Variants in SPTAN1 observed in about 807,000 individuals in gnomAD.
SPTAN1 encodes the protein spectrin alpha, non-erythrocytic 1.
In SPTAN1, 61 loss-of-function variants were observed where a neutral mutation model predicts 331.3. The observed-to-expected ratio is 0.18, with a 90% confidence interval of 0.15 to 0.23. SPTAN1 has a LOEUF of 0.23. Ranked by LOEUF, SPTAN1 falls within the 10% of genes least tolerant of loss-of-function variation. The pLI, the probability that SPTAN1 is intolerant of heterozygous loss-of-function variation, is 1.00. For missense variants in SPTAN1, 2,043 were observed against 3,147.9 expected, an observed-to-expected ratio of 0.65 and a Z score of 8.40; for synonymous variants, 1,153 against 1,173.9, an observed-to-expected ratio of 0.98 and a Z score of 0.36.
intron 1 of SPTAN1, among the ~76,000 whole-genome samples, chr9:128,566,150 G>A (rs1419399625): frequency 3.3e-5 from 5 of 152,136 alleles, no homozygotes; most frequent in Admixed American, 6.5e-5. Context: ...TTGAACTCCT[G>A]GGCTCAGGTG....
At chr9:128,608,725 A>G in intron 34 of SPTAN1, 149 bp from the exon 35 acceptor site, 2 of 816,562 alleles carry the variant, frequency 2.4e-6, no homozygotes, top group Non-Finnish European at 4.2e-6. Flanking sequence ...GGCATTTTAC[A>G]CTCTTGCTTC....
intron 27 of SPTAN1, among the ~76,000 whole-genome samples, chr9:128,602,189 G>GTT (rs1257030587): frequency 7.6e-6 from 1 of 131,648 alleles, no homozygotes; most frequent in African/African-American, 2.8e-5. Context: ...CTGCCCTCCT[G>GTT]TTTTTTTTTT....
intron 11 of SPTAN1, among the ~76,000 whole-genome samples, chr9:128,581,275 G>C (rs1851906488): frequency 6.6e-6 from 1 of 152,156 alleles, no homozygotes; most frequent in African/African-American, 2.4e-5. Context: ...TTTCAGATTA[G>C]TGTGATGTAA....
At chr9:128,606,350 G>A (rs1855847676) in intron 31 of SPTAN1, among the ~76,000 whole-genome samples, 1 of 132,788 alleles carries the variant, frequency 7.5e-6, no homozygotes, top group Admixed American at 7.7e-5. Context: ...ACTCTAGCCT[G>A]GGCGATGGAG....
chr9:128,576,425 C>T (rs7033129), intron 5 of SPTAN1, among the ~76,000 whole-genome samples: 4,204 of 152,144 alleles, frequency 0.028, 194 homozygotes, highest in African/African-American at 0.094. Context: ...TCTTGAGCCC[C>T]GAAAATTATG....
At position 128,625,644 on chromosome 9, in the gene SPTAN1, A is replaced by G. The variant is rs1374903048; in HGVS notation, c.6070-125A>G. On this transcript the variant is annotated intron_variant, in intron 47 of 56. Coordinates refer to ENST00000372739, the MANE Select transcript of SPTAN1 (RefSeq NM_001130438.3). This position sits in a 1 kb window ranked among gnomAD's most constrained non-coding sequence, Gnocchi z 4.1. ...AAGGGGGCATGTGTGACTGAGTCTC[A>G]GCAGTGTCCAGGTGGACAGTTTGGC... 2 of 881,220 alleles carry G rather than the reference A, an allele frequency of 2.3e-6. No homozygotes were observed. The highest frequency in any genetic ancestry group is 3.8e-6 in the Non-Finnish European group (2 of 531,668). The allele number at this position is 881,220 out of a possible 1,614,324, so 54.6% of individuals were successfully genotyped here.
At chr9:128,590,129 A>G (rs1853278189) in intron 21 of SPTAN1, among the ~76,000 whole-genome samples, 1 of 152,226 alleles carries the variant, frequency 6.6e-6, no homozygotes, top group South Asian at 2.1e-4. Context: ...GTCCTTGGCC[A>G]TTTTTAAGAG....
intron 42 of SPTAN1, 36 bp from the exon 43 acceptor site, chr9:128,617,951 C>T (rs202015283): frequency 1.9e-6 from 3 of 1,614,016 alleles, no homozygotes; most frequent in African/African-American, 1.3e-5. Flanking sequence ...ACCAGAAGAG[C>T]TACCTGCTGT....
At chr9:128,565,319 G>A (rs951316153) in intron 1 of SPTAN1, among the ~76,000 whole-genome samples, 4 of 152,098 alleles carry the variant, frequency 2.6e-5, no homozygotes, top group Admixed American at 6.5e-5. Context: ...ACAAAAAAAA[G>A]CCATAAAAGA....
intron 37 of SPTAN1, among the ~76,000 whole-genome samples, chr9:128,610,292 T>C (rs1471960969): frequency 6.6e-6 from 1 of 152,098 alleles, no homozygotes; most frequent in Admixed American, 6.5e-5. Flanking sequence ...GTGGAAGAAA[T>C]GAAGATAGAG....
At position 128,576,945 on chromosome 9, in the gene SPTAN1, G is replaced by T; in HGVS notation, c.774G>T (p.Gln258His). 1 of 1,614,166 alleles carries T rather than the reference G, an allele frequency of 6.2e-7. No homozygotes were observed. Among genetic ancestry groups the T allele is most frequent in the South Asian group, 1.1e-5 (1 of 91,078 alleles). Residue 258 changes from glutamine (Q) to histidine (H), a missense_variant, in exon 6 of 57, where the codon CAG (glutamine) becomes CAT (histidine). Transcript: ENST00000372739. ...QGKLFGAAEV[Q>H]RFNRDVDETI... ...AGCTCTTTGGGGCAGCAGAAGTTCA[G>T]CGCTTTAACAGGTGTCAAGCCAGAG... is the stretch of plus-strand genomic sequence containing the variant.
chr9:128,575,440 C>A, intron 5 of SPTAN1, 95 bp downstream of exon 5: 1 of 1,407,452 alleles, frequency 7.1e-7, no homozygotes, highest in Non-Finnish European at 9.9e-7. Flanking sequence ...CCCCTAATTT[C>A]TGAGTGAGCA....
In SPTAN1 at chr9:128,575,578, C is replaced by T. The variant is rs1452840350; in HGVS notation, c.651+233C>T. ...GGGCAGAGTTCATTTGATCTGTTTC[C>T]TCTACCCACTTTTGGGTAGGGCTGG... On this transcript the variant is annotated intron_variant, in intron 5 of 56. Transcript: ENST00000372739. Among the ~76,000 whole-genome samples, 4 of 152,218 alleles carry T rather than the reference C, an allele frequency of 2.6e-5. No homozygotes were observed. In the East Asian group the frequency reaches 5.8e-4, roughly 22 times the overall value.
At chr9:128,586,650 T>C (rs1852677762) in intron 19 of SPTAN1, among the ~76,000 whole-genome samples, 1 of 152,010 alleles carries the variant, frequency 6.6e-6, no homozygotes, top group Admixed American at 6.6e-5. Context: ...TGCGCACATA[T>C]ACCCACATAC....
intron 23 of SPTAN1, chr9:128,593,934 T>C (rs372307294): frequency 1.7e-5 from 9 of 530,830 alleles, no homozygotes; most frequent in African/African-American, 3.8e-5. Flanking sequence ...TGGGGATAAG[T>C]GTGCCTGGCT....
At chr9:128,619,073 T>G in intron 44 of SPTAN1, 70 bp downstream of exon 44, 1 of 1,608,336 alleles carries the variant, frequency 6.2e-7, no homozygotes, top group Non-Finnish European at 8.5e-7. Context: ...CATTTCCCTG[T>G]TGGTTTGTTA....
At chr9:128,568,423 C>G (rs1271970422) in intron 2 of SPTAN1, among the ~76,000 whole-genome samples, 1 of 152,142 alleles carries the variant, frequency 6.6e-6, no homozygotes, top group Non-Finnish European at 1.5e-5. Flanking sequence ...TGGTATGGTT[C>G]TGTATTTCTA....
chr9:128,632,553 C>T lies in SPTAN1; in HGVS notation c.7014-19C>T. 1 of 1,614,138 alleles carries T rather than the reference C, an allele frequency of 6.2e-7. No individual in the cohort carries two copies. Among genetic ancestry groups the T allele is most frequent in the Non-Finnish European group, 8.5e-7 (1 of 1,180,036 alleles). On this transcript the variant is annotated intron_variant, in intron 54 of 56. Coordinates refer to ENST00000372739, the MANE Select transcript of SPTAN1 (RefSeq NM_001130438.3). ...GCAGCAGGGCTGCCTGCTGAGCCGC[C>T]CTCGGCTTTGTGCTGCAGACACTTT...
At chr9:128,621,287 C>T (rs751897772) in intron 45 of SPTAN1, 31 bp downstream of exon 45, 46 of 1,586,038 alleles carry the variant, frequency 2.9e-5, no homozygotes, top group African/African-American at 4.0e-5. Flanking sequence ...AGACCTCCAT[C>T]GCCCACTGGG....
Sources: allele counts gnomAD v4.1 joint callset (sites outside exome capture counted in the v4.1 genomes callset), GRCh38; gene constraint gnomAD v4.1.1; non-coding constraint Gnocchi (gnomAD v3.1); transcripts MANE v1.5; gene names NCBI Gene and HGNC (gene_info 2026-07-23, HGNC 2026-07-21).